Variants in STRADA observed in about 807,000 individuals in gnomAD.
STRADA encodes STE20-related kinase adapter protein alpha.
In STRADA, 26 loss-of-function variants were observed where a neutral mutation model predicts 55.0. That is an observed-to-expected ratio of 0.47 (90% CI 0.35 to 0.66). The LOEUF (loss-of-function observed/expected upper bound fraction) is 0.66. Among genes scored for constraint, STRADA ranks in the 30% least tolerant of loss-of-function variants. The pLI, the probability that STRADA is intolerant of heterozygous loss-of-function variation, is 0.01. For missense variants in STRADA, 443 were observed against 549.7 expected (o/e 0.81, Z 1.94); for synonymous variants, 197 against 210.9 (o/e 0.93, Z 0.57).
intron 4 of STRADA, among the ~76,000 whole-genome samples, chr17:63,714,775 C>T: frequency 6.6e-6 from 1 of 152,192 alleles, no homozygotes; most frequent in East Asian, 1.9e-4. Context: ...AAGCTGGAGT[C>T]CAGCCACTTA....
intron 1 of STRADA, among the ~76,000 whole-genome samples, chr17:63,734,328 G>C (rs1188626718): frequency 6.6e-6 from 1 of 152,192 alleles, no homozygotes; most frequent in Non-Finnish European, 1.5e-5. Flanking sequence ...AAGAGGCAGA[G>C]GAAATGTCAT....
chr17:63,740,783 T>G (rs2038885596), intron 1 of STRADA, among the ~76,000 whole-genome samples: 1 of 152,150 alleles, frequency 6.6e-6, no homozygotes, highest in Non-Finnish European at 1.5e-5. Flanking sequence ...GCCACAACTA[T>G]AAACACTGCA....
chr17:63,726,603 C>A, intron 3 of STRADA, 35 bp downstream of exon 3: 1 of 1,603,504 alleles, frequency 6.2e-7, no homozygotes, highest in Non-Finnish European at 8.5e-7. Context: ...ATTTTTATAT[C>A]CTGAAGTGAT....
At chr17:63,731,304 C>T (rs2038038237) in intron 1 of STRADA, among the ~76,000 whole-genome samples, 1 of 134,550 alleles carries the variant, frequency 7.4e-6, no homozygotes, top group Admixed American at 8.2e-5. Context: ...TGCCATGTCA[C>T]CAGGCTGGAG....
chr17:63,704,863 C>T (rs1309419465), intron 10 of STRADA: 1 of 1,536,072 alleles, frequency 6.5e-7, no homozygotes, highest in Non-Finnish European at 8.7e-7. Context: ...AGTTTCCGCT[C>T]TCCCTTTCCA....
At chr17:63,734,682 T>C (rs929973927) in intron 1 of STRADA, among the ~76,000 whole-genome samples, 1 of 152,142 alleles carries the variant, frequency 6.6e-6, no homozygotes, top group Non-Finnish European at 1.5e-5. Flanking sequence ...TTTTTCTGAA[T>C]TTTTGCCAAA....
rs2035825729 is a variant in STRADA, at chr17:63,702,926, T to C, written c.*673A>G. On this transcript the variant is annotated 3_prime_UTR_variant, in exon 13 of 13. Coordinates refer to ENST00000336174, the MANE Select transcript of STRADA (RefSeq NM_001003787.4). ...GCCCTCAAGCTAGGCAAGACACTGATGGCCCTTGGAGAAAGCACCAGGGCA... is the reference window on the plus strand; with the variant it reads ...GCCCTCAAGCTAGGCAAGACACTGACGGCCCTTGGAGAAAGCACCAGGGCA... The C allele has an allele frequency of 6.5e-6, 1 of 152,694 alleles. No homozygotes were observed. The highest frequency in any genetic ancestry group is 1.5e-5 in the Non-Finnish European group (1 of 68,144). The allele number at this position is 152,694 out of a possible 1,614,324, so 9.5% of individuals were successfully genotyped here. A position where few individuals can be genotyped will look rare whatever the true frequency, so the allele number is the denominator to read the frequency against.
intron 9 of STRADA, 84 bp from the exon 10 acceptor site, chr17:63,706,823 T>C: frequency 9.3e-7 from 1 of 1,071,942 alleles, no homozygotes; most frequent in Non-Finnish European, 1.4e-6. Flanking sequence ...AGGAAAAGGA[T>C]GGCTGTCCCC....
intron 4 of STRADA, among the ~76,000 whole-genome samples, chr17:63,720,901 A>G (rs1048644721): frequency 4.7e-5 from 7 of 149,080 alleles, no homozygotes; most frequent in African/African-American, 1.5e-4. Context: ...GTTCGAGTCC[A>G]GCCTGACCAA....
intron 6 of STRADA, among the ~76,000 whole-genome samples, chr17:63,711,526 A>AT (rs1359992611): frequency 6.6e-6 from 1 of 151,468 alleles, no homozygotes; most frequent in Admixed American, 6.6e-5. Context: ...AATTTTTTAT[A>AT]TTTTTTTGTA....
chr17:63,703,984 A>G, intron 12 of STRADA, 21 bp downstream of exon 12: 2 of 1,613,942 alleles, frequency 1.2e-6, no homozygotes, highest in Non-Finnish European at 1.7e-6. Context: ...AACCAGAACC[A>G]GAACGAAGGG....
intron 1 of STRADA, among the ~76,000 whole-genome samples, chr17:63,730,296 C>G (rs891358714): frequency 1.3e-5 from 2 of 152,130 alleles, no homozygotes; most frequent in African/African-American, 4.8e-5. Context: ...CCCTCAAACC[C>G]ATCAATTAGA....
intron 4 of STRADA, among the ~76,000 whole-genome samples, chr17:63,721,577 G>A (rs1284178849): frequency 6.6e-6 from 1 of 151,520 alleles, no homozygotes; most frequent in African/African-American, 2.4e-5. Context: ...AGCTGGGTGT[G>A]ATGGCACAGG....
chr17:63,730,214 T>C (rs1174764527), intron 1 of STRADA, among the ~76,000 whole-genome samples: 1 of 152,102 alleles, frequency 6.6e-6, no homozygotes, highest in Non-Finnish European at 1.5e-5. Flanking sequence ...TGGTTTCCCA[T>C]ATAGCTATTA....
intron 10 of STRADA, 41 bp from the exon 11 acceptor site, chr17:63,704,623 G>GT (rs1568171609): frequency 4.5e-6 from 5 of 1,122,066 alleles, no homozygotes; most frequent in Non-Finnish European, 6.0e-6. Flanking sequence ...TAGCGGGTGG[G>GT]GGGGGGGGGT....
intron 1 of STRADA, among the ~76,000 whole-genome samples, chr17:63,731,866 T>C (rs1037907372): frequency 1.3e-5 from 2 of 152,144 alleles, no homozygotes; most frequent in African/African-American, 2.4e-5. Context: ...ATTTTCTTTC[T>C]TTCTTTTGTT....
intron 1 of STRADA, among the ~76,000 whole-genome samples, chr17:63,735,975 C>A (rs886874122): frequency 6.6e-6 from 1 of 152,070 alleles, no homozygotes; most frequent in Non-Finnish European, 1.5e-5. Context: ...CTGGCTCTGT[C>A]GCCCAGGCCA....
intron 1 of STRADA, among the ~76,000 whole-genome samples, chr17:63,740,119 T>C (rs2038800152): frequency 2.4e-5 from 2 of 84,780 alleles, no homozygotes; most frequent in African/African-American, 5.8e-5. Context: ...CATACATACA[T>C]ATATATATAC....
chr17:63,705,624 A>AC lies in STRADA; in HGVS notation c.858+1010dup, dbSNP rs1216799610. The AC allele has an allele frequency of 2.0e-5, 3 of 152,682 alleles. No homozygotes were observed. The East Asian group carries it at 5.8e-4, about 29-fold the overall frequency. 9.5% of individuals were successfully genotyped at this position (152,682 alleles called of 1,614,324 possible). A position where few individuals can be genotyped will look rare whatever the true frequency, so the allele number is the denominator to read the frequency against. On this transcript the variant is annotated intron_variant, in intron 10 of 12. Transcript: ENST00000336174. Reference sequence around the variant, plus strand: ...CTGCTCCACAGGCTTTAGGACAGGAACCAGTGCTCTAAAGTGGCATCAAAG... The same window carrying AC: ...CTGCTCCACAGGCTTTAGGACAGGAACCCAGTGCTCTAAAGTGGCATCAAAG...
Sources: allele counts gnomAD v4.1 joint callset (sites outside exome capture counted in the v4.1 genomes callset), GRCh38; gene constraint gnomAD v4.1.1; transcripts MANE v1.5; gene names NCBI Gene and HGNC (gene_info 2026-07-23, HGNC 2026-07-21).